MOB3B: variants seen among roughly 807,000 people sequenced by gnomAD.
MOB3B encodes the protein MOB kinase activator 3B, also known as MOB kinase activator-like 2B.
In MOB3B, 7 loss-of-function variants were observed where a neutral mutation model predicts 18.7. That is an observed-to-expected ratio of 0.37 (90% CI 0.21 to 0.70). MOB3B has a LOEUF of 0.70. Among genes scored for constraint, MOB3B ranks in the 30% least tolerant of loss-of-function variants. The probability of loss-of-function intolerance (pLI) is 0.52; values close to 1 mark genes in which losing one functional copy is unlikely to be tolerated. For missense variants in MOB3B, 253 were observed against 281.3 expected, an observed-to-expected ratio of 0.90 and a Z score of 0.72; for synonymous variants, 111 against 99.9, an observed-to-expected ratio of 1.11 and a Z score of -0.66.
At chr9:27,396,400 A>G (rs972997435) in intron 2 of MOB3B, among the ~76,000 whole-genome samples, 13 of 152,040 alleles carry the variant, frequency 8.6e-5, no homozygotes, top group Admixed American at 2.0e-4. Flanking sequence ...GCCCACTCCT[A>G]TCCACCCCAA....
At chr9:27,376,794 A>T (rs1821495710) in intron 2 of MOB3B, among the ~76,000 whole-genome samples, 1 of 152,226 alleles carries the variant, frequency 6.6e-6, no homozygotes, top group South Asian at 2.1e-4. Flanking sequence ...AGCAGCACTG[A>T]ATCTAACACT....
At chr9:27,465,815 G>A (rs1008216689) in intron 1 of MOB3B, among the ~76,000 whole-genome samples, 4 of 152,170 alleles carry the variant, frequency 2.6e-5, no homozygotes, top group Non-Finnish European at 5.9e-5. Flanking sequence ...TGAGCTCTAC[G>A]TTGGCCCTTT....
chr9:27,388,018 C>A (rs1329906743), intron 2 of MOB3B, among the ~76,000 whole-genome samples: 1 of 152,112 alleles, frequency 6.6e-6, no homozygotes, highest in African/African-American at 2.4e-5. Flanking sequence ...ACCACTGGCA[C>A]CTGGCAAGCA....
chr9:27,415,999 A>G (rs1161288336), intron 2 of MOB3B, among the ~76,000 whole-genome samples: 1 of 152,246 alleles, frequency 6.6e-6, no homozygotes, highest in African/African-American at 2.4e-5. Flanking sequence ...AGGTAATCCT[A>G]AAAGGAAAAA....
chr9:27,341,258 C>T lies in MOB3B; in HGVS notation c.622-10642G>A, dbSNP rs999055076. ...TGACATGCAAGAAACGCTGAACAAA[C>T]GGTTTGTCCTTTTGGAGGGAGTATT... On this transcript the variant is annotated intron_variant, in intron 3 of 3. Coordinates refer to ENST00000262244, the MANE Select transcript of MOB3B (RefSeq NM_024761.5). Among the ~76,000 whole-genome samples the T allele has an allele frequency of 1.6e-4, 24 of 152,302 alleles. 1 individual carries two copies. The South Asian group carries it at 1.7e-3, about 11-fold the overall frequency.
intron 1 of MOB3B, among the ~76,000 whole-genome samples, chr9:27,517,397 A>C (rs193225486): frequency 1.4e-3 from 212 of 152,250 alleles, no homozygotes; most frequent in African/African-American, 5.0e-3. Context: ...CACACCTGTA[A>C]TTCCAGCACT....
chr9:27,485,326 A>G (rs1819717025), intron 1 of MOB3B, among the ~76,000 whole-genome samples: 1 of 152,182 alleles, frequency 6.6e-6, no homozygotes, highest in African/African-American at 2.4e-5. Flanking sequence ...ACAGGAAGGA[A>G]ATGGGTTCAC....
chr9:27,501,178 T>C (rs1165198486), intron 1 of MOB3B, among the ~76,000 whole-genome samples: 1 of 152,210 alleles, frequency 6.6e-6, no homozygotes, highest in Non-Finnish European at 1.5e-5. Context: ...TCAACAATTG[T>C]GGAAGACAGT....
chr9:27,502,671 T>C (rs1820007723), intron 1 of MOB3B, among the ~76,000 whole-genome samples: 1 of 152,160 alleles, frequency 6.6e-6, no homozygotes, highest in Non-Finnish European at 1.5e-5. Flanking sequence ...GAATCTTTCT[T>C]AACACAGCCT....
chr9:27,441,119 C>T (rs143625220), intron 2 of MOB3B, among the ~76,000 whole-genome samples: 2 of 152,178 alleles, frequency 1.3e-5, no homozygotes, highest in East Asian at 1.9e-4. Context: ...TGGCCACTCA[C>T]CTCCTGCTGT....
intron 1 of MOB3B, among the ~76,000 whole-genome samples, chr9:27,473,083 T>G (rs1403815680): frequency 6.6e-6 from 1 of 152,204 alleles, no homozygotes; most frequent in Non-Finnish European, 1.5e-5. Flanking sequence ...TGCTCTCCCT[T>G]AATTTTCCCT....
At chr9:27,460,956 G>A (rs1240610369) in intron 1 of MOB3B, among the ~76,000 whole-genome samples, 1 of 152,206 alleles carries the variant, frequency 6.6e-6, no homozygotes, top group African/African-American at 2.4e-5. Context: ...ATGTCAATCT[G>A]TAAGCTCACT....
chr9:27,336,458 G>C (rs186213753), intron 3 of MOB3B, among the ~76,000 whole-genome samples: 1 of 152,226 alleles, frequency 6.6e-6, no homozygotes, highest in East Asian at 1.9e-4. Context: ...AAATAATCAA[G>C]GAAGAAAAGC....
intron 1 of MOB3B, among the ~76,000 whole-genome samples, chr9:27,473,580 A>G (rs1274523418): frequency 6.6e-6 from 1 of 151,982 alleles, no homozygotes; most frequent in East Asian, 1.9e-4. Context: ...TGACAATAGA[A>G]AGCAAGGGGC....
At chr9:27,366,071 A>G (rs1334154704) in intron 2 of MOB3B, among the ~76,000 whole-genome samples, 1 of 152,106 alleles carries the variant, frequency 6.6e-6, no homozygotes, top group Non-Finnish European at 1.5e-5. Context: ...GTGAGGGTGG[A>G]GAGTAAGGAG....
intron 2 of MOB3B, among the ~76,000 whole-genome samples, chr9:27,368,170 C>T (rs1254956632): frequency 1.3e-5 from 2 of 152,096 alleles, no homozygotes; most frequent in African/African-American, 4.8e-5. Flanking sequence ...AAGATGCAAT[C>T]GGATCACAAG....
chr9:27,529,686 G>A lies in MOB3B; in HGVS notation c.-330C>T. 1 of 985,408 alleles carries A rather than the reference G, an allele frequency of 1.0e-6. No individual in the cohort carries two copies. 61.0% of individuals were successfully genotyped at this position (985,408 alleles called of 1,614,324 possible). ...GCCAATCCACGCAAGGGACTCTGCC[G>A]CCGGTGCGCGAGGTCCCGGCGAGCC... On this transcript the variant is annotated 5_prime_UTR_variant, in exon 1 of 4. Transcript: ENST00000262244.
At chr9:27,394,700 G>A (rs1821775850) in intron 2 of MOB3B, among the ~76,000 whole-genome samples, 1 of 152,208 alleles carries the variant, frequency 6.6e-6, no homozygotes, top group Non-Finnish European at 1.5e-5. Context: ...AAACAAAGGA[G>A]TAGGTGGCAG....
At position 27,400,100 on chromosome 9, in the gene MOB3B, C is replaced by A. The variant is rs371160755; in HGVS notation, c.419-40864G>T. Among the ~76,000 whole-genome samples the A allele has an allele frequency of 2.4e-4, 37 of 152,314 alleles. No homozygotes were observed. The East Asian group carries it at 3.3e-3, about 13-fold the overall frequency. On this transcript the variant is annotated intron_variant, in intron 2 of 3. Transcript: ENST00000262244. ...CTGCCCCTTACATCAGTCTCTCCTG[C>A]AAACTGCTCTCAGAATCCTCATTCC... is the stretch of plus-strand genomic sequence containing the variant.
Sources: gnomAD v4.1 joint callset for allele counts (sites outside exome capture counted in the v4.1 genomes callset) on GRCh38, gnomAD v4.1.1 for gene constraint, MANE v1.5 for transcripts, NCBI Gene and HGNC (gene_info 2026-07-23, HGNC 2026-07-21) for gene names.